The following BRINP1 variants were observed in gnomAD, a reference collection of about 807,000 sequenced individuals.
BRINP1 encodes BMP/retinoic acid inducible neural specific 1.
In BRINP1, 17 loss-of-function variants were observed where a neutral mutation model predicts 72.9. The ratio of observed to expected loss-of-function variants is 0.23; its 90% CI spans 0.16 to 0.35. The LOEUF is 0.35. Ranked by LOEUF, BRINP1 falls within the 10% of genes least tolerant of loss-of-function variation. The pLI is 1.00. For synonymous variants in BRINP1, 418 were observed against 378.5 expected (o/e 1.10, Z -1.21); for missense variants, 850 against 1,001.6 (o/e 0.85, Z 2.04).
intron 1 of BRINP1, among the ~76,000 whole-genome samples, chr9:119,343,753 G>A (rs1467435385): frequency 6.6e-6 from 1 of 152,160 alleles, no homozygotes; most frequent in African/African-American, 2.4e-5. Context: ...TACAGAGGAA[G>A]TATAATGTAT....
chr9:119,204,854 G>A (rs1829837271), intron 7 of BRINP1, among the ~76,000 whole-genome samples: 1 of 152,206 alleles, frequency 6.6e-6, no homozygotes, highest in Non-Finnish European at 1.5e-5. Flanking sequence ...CAGTCCATGT[G>A]TGGCTAAGGC....
Position 119,313,276 on chromosome 9 carries a change from G to A in BRINP1, c.80C>T (p.Pro27Leu). 1.2e-6 allele frequency: 2 copies of A among 1,614,148 alleles called. No individual in the cohort carries two copies. The highest frequency in any genetic ancestry group is 2.2e-5 in the South Asian group (2 of 91,076). ...RISVQPSHQE[P>L]AGTDQHVSKE... ...GGAGACATGTTGGTCTGTCCCAGCT[G>A]GTTCCTGGTGGGAGGGCTGCACTGA... Residue 27 changes from proline to leucine, a missense_variant, in exon 2 of 8, where the codon CCA becomes CTA. By Grantham distance (98) the Pro-to-Leu change is moderately conservative (BLOSUM62 -3). Transcript: ENST00000265922.
intron 7 of BRINP1, among the ~76,000 whole-genome samples, chr9:119,207,237 C>T (rs540392481): frequency 9.8e-4 from 149 of 152,248 alleles, no homozygotes; most frequent in Non-Finnish European, 2.5e-4. Context: ...TGCACCTCAT[C>T]GGGGTAATTA....
intron 1 of BRINP1, among the ~76,000 whole-genome samples, chr9:119,324,755 C>T (rs1163836901): frequency 6.6e-6 from 1 of 152,046 alleles, no homozygotes; most frequent in African/African-American, 2.4e-5. Flanking sequence ...AGGAATACTG[C>T]CAAAAATTTC....
Position 119,220,164 on chromosome 9 carries a change from AT to A in BRINP1, c.686-6010del, listed in dbSNP as rs544531151. ...TTCTTATAGTACAAGAAAGATCTTT[AT>A]TCATTATAAGATGGGATTCTGAGAC... On this transcript the variant is annotated intron_variant, in intron 5 of 7. Transcript: ENST00000265922. Among the ~76,000 whole-genome samples, 133 of 152,264 alleles carry A rather than the reference AT, an allele frequency of 8.7e-4. 1 individual carries two copies. Among genetic ancestry groups the A allele is most frequent in the African/African-American group, 3.1e-3 (127 of 41,564 alleles).
Position 119,242,037 on chromosome 9 carries a change from G to C in BRINP1, c.579+10C>G. Reference sequence around the variant, plus strand: ...AGAACCTGTCGCCCAAATCCACCCCGGAGCTGTACCTTGATTGCTCCAGTT... The same window carrying C: ...AGAACCTGTCGCCCAAATCCACCCCCGAGCTGTACCTTGATTGCTCCAGTT... On this transcript the variant is annotated intron_variant, in intron 4 of 7. Coordinates refer to ENST00000265922, the MANE Select transcript of BRINP1 (RefSeq NM_014618.3). 6.2e-7 allele frequency: 1 copy of C among 1,612,288 alleles called. No individual in the cohort carries two copies. Among genetic ancestry groups the C allele is most frequent in the East Asian group, 2.2e-5 (1 of 44,836 alleles).
At chr9:119,204,238 G>C (rs1469392367) in intron 7 of BRINP1, among the ~76,000 whole-genome samples, 2 of 152,130 alleles carry the variant, frequency 1.3e-5, no homozygotes, top group Admixed American at 1.3e-4. Context: ...GATATCCTCA[G>C]CTGTACCAAG....
intron 7 of BRINP1, among the ~76,000 whole-genome samples, chr9:119,197,056 T>A (rs1438594403): frequency 1.3e-5 from 2 of 152,240 alleles, no homozygotes; most frequent in African/African-American, 4.8e-5. Flanking sequence ...AAACAAGTTA[T>A]CTGCCTTCAC....
At chr9:119,274,102 A>C (rs1830631573) in intron 2 of BRINP1, among the ~76,000 whole-genome samples, 1 of 152,102 alleles carries the variant, frequency 6.6e-6, no homozygotes, top group South Asian at 2.1e-4. Context: ...TGGCAGCCTT[A>C]CTCCACTGAG....
intron 7 of BRINP1, among the ~76,000 whole-genome samples, chr9:119,192,182 C>T (rs1463315169): frequency 6.6e-6 from 1 of 151,896 alleles, no homozygotes; most frequent in African/African-American, 2.4e-5. Context: ...AGCTCCTCAA[C>T]GTTGGCCTTA....
At chr9:119,289,438 C>T (rs1320095481) in intron 2 of BRINP1, among the ~76,000 whole-genome samples, 5 of 152,018 alleles carry the variant, frequency 3.3e-5, no homozygotes, top group Admixed American at 3.3e-4. Context: ...TCTGGCTGTT[C>T]CGTGAAAGGA....
intron 1 of BRINP1, among the ~76,000 whole-genome samples, chr9:119,366,099 G>A (rs1831687993): frequency 6.6e-6 from 1 of 152,024 alleles, no homozygotes; most frequent in South Asian, 2.1e-4. Context: ...CTTTATATGG[G>A]AGAACACAAT....
At chr9:119,237,246 T>C (rs1330836969) in intron 5 of BRINP1, among the ~76,000 whole-genome samples, 1 of 152,100 alleles carries the variant, frequency 6.6e-6, no homozygotes, top group Non-Finnish European at 1.5e-5. Flanking sequence ...ATGATCATTG[T>C]AGAGAAGTTA....
chr9:119,332,002 G>A (rs1285586302), intron 1 of BRINP1, among the ~76,000 whole-genome samples: 1 of 152,202 alleles, frequency 6.6e-6, no homozygotes, highest in Non-Finnish European at 1.5e-5. Context: ...AGGATCAGCT[G>A]AGGCCATTGC....
chr9:119,244,955 G>C (rs1387277764), intron 3 of BRINP1, among the ~76,000 whole-genome samples: 1 of 152,142 alleles, frequency 6.6e-6, no homozygotes, highest in Non-Finnish European at 1.5e-5. Context: ...TGAGTCAATA[G>C]GAGATTTTGC....
At chr9:119,188,529 G>A (rs1434214259) in intron 7 of BRINP1, among the ~76,000 whole-genome samples, 3 of 152,154 alleles carry the variant, frequency 2.0e-5, no homozygotes, top group Non-Finnish European at 4.4e-5. Context: ...TGTGGAGGCT[G>A]AGAGGGGAGG....
chr9:119,210,095 T>C (rs1354383579), intron 6 of BRINP1, among the ~76,000 whole-genome samples: 3 of 152,232 alleles, frequency 2.0e-5, no homozygotes, highest in Admixed American at 6.5e-5. Flanking sequence ...AATGGGAAGA[T>C]GATTTCTTAA....
intron 1 of BRINP1, among the ~76,000 whole-genome samples, chr9:119,341,793 T>C (rs948010630): frequency 6.6e-6 from 1 of 152,188 alleles, no homozygotes; most frequent in Non-Finnish European, 1.5e-5. Flanking sequence ...AGACGGAGTC[T>C]CACTCTATCA....
intron 2 of BRINP1, among the ~76,000 whole-genome samples, chr9:119,258,401 G>A (rs151099231): frequency 5.3e-5 from 8 of 152,312 alleles, no homozygotes; most frequent in Admixed American, 3.9e-4. Context: ...TCGAGGGCAG[G>A]GGGCCATAAT....
Sources: gnomAD v4.1 joint callset for allele counts (sites outside exome capture counted in the v4.1 genomes callset) on GRCh38, gnomAD v4.1.1 for gene constraint, MANE v1.5 for transcripts, NCBI Gene and HGNC (gene_info 2026-07-23, HGNC 2026-07-21) for gene names.